The following ATXN7 variants were observed in gnomAD, a reference collection of about 807,000 sequenced individuals.
ATXN7 encodes ataxin 7.
ATXN7 carries 12 observed loss-of-function variants against 70.5 expected under a neutral mutation model. The ratio of observed to expected loss-of-function variants is 0.17; its 90% CI spans 0.11 to 0.28. The LOEUF (loss-of-function observed/expected upper bound fraction) is 0.28, where lower values mean the gene tolerates loss of function less well. Ranked by LOEUF, ATXN7 falls within the 10% of genes least tolerant of loss-of-function variation. The pLI is 1.00. For synonymous variants in ATXN7, 498 were observed against 448.7 expected, an observed-to-expected ratio of 1.11 and a Z score of -1.39; for missense variants, 1,256 against 1,131.7, an observed-to-expected ratio of 1.11 and a Z score of -1.58.
At chr3:63,886,366 T>A (rs1430326085) in intron 1 of ATXN7, among the ~76,000 whole-genome samples, 1 of 152,212 alleles carries the variant, frequency 6.6e-6, no homozygotes. Flanking sequence ...AATAATACTG[T>A]ATACTTGAAA....
chr3:63,868,397 C>G (rs1702498484), intron 1 of ATXN7, among the ~76,000 whole-genome samples: 1 of 152,144 alleles, frequency 6.6e-6, no homozygotes, highest in African/African-American at 2.4e-5. Context: ...GTATAAAAGT[C>G]TTAGCTCCTC....
intron 1 of ATXN7, among the ~76,000 whole-genome samples, chr3:63,884,574 A>T (rs1047901467): frequency 6.6e-6 from 1 of 152,136 alleles, no homozygotes. Flanking sequence ...TTTAATATAA[A>T]AGAACTCCAA....
chr3:63,874,949 C>T (rs1188315127), intron 1 of ATXN7, among the ~76,000 whole-genome samples: 1 of 152,064 alleles, frequency 6.6e-6, no homozygotes, highest in Non-Finnish European at 1.5e-5. Flanking sequence ...GGCTTGTTTC[C>T]TGTTTCATAG....
intron 2 of ATXN7, among the ~76,000 whole-genome samples, chr3:63,909,639 G>C (rs1703946916): frequency 6.6e-6 from 1 of 152,156 alleles, no homozygotes; most frequent in Non-Finnish European, 1.5e-5. Flanking sequence ...GTGTCAGCTT[G>C]CTGTTTTGAC....
intron 5 of ATXN7, among the ~76,000 whole-genome samples, chr3:63,967,387 C>CT (rs1184375661): frequency 6.6e-6 from 1 of 151,958 alleles, no homozygotes; most frequent in African/African-American, 2.4e-5. Flanking sequence ...GAATAATAAA[C>CT]TTTTTTTGAA....
At chr3:63,935,393 G>A (rs1262174515) in intron 4 of ATXN7, among the ~76,000 whole-genome samples, 1 of 151,932 alleles carries the variant, frequency 6.6e-6, no homozygotes, top group African/African-American at 2.4e-5. Context: ...TCTTGTTTTA[G>A]TATTTCTGAA....
At position 63,982,382 on chromosome 3, in the gene ATXN7, A is replaced by G; in HGVS notation, c.949A>G (p.Thr317Ala). 6.8e-6 allele frequency: 11 copies of G among 1,613,864 alleles called. No individual in the cohort carries two copies. Among genetic ancestry groups the G allele is most frequent in the Middle Eastern group, 1.6e-4 (1 of 6,062 alleles). ...LNGKGLPAPP[T>A]LEKKPEDNSN... The stretch of plus-strand genomic sequence containing the variant: ...TGGCAAAGGGCTTCCTGCACCGCCC[A>G]CTCTGGAAAAGAAACCTGAAGACAA... The change falls in exon 7 of 13, where the codon ACT becomes GCT. Residue 317 changes from threonine (T) to alanine (A), a missense_variant. Coordinates refer to ENST00000674280, the MANE Select transcript of ATXN7 (RefSeq NM_001377405.1).
At chr3:63,989,670 C>T (rs1197150676) in intron 9 of ATXN7, among the ~76,000 whole-genome samples, 1 of 151,814 alleles carries the variant, frequency 6.6e-6, no homozygotes, top group Non-Finnish European at 1.5e-5. Flanking sequence ...CGGGAGGATG[C>T]GCATAGGTTA....
chr3:63,994,011 G>A (rs372444486), intron 11 of ATXN7, among the ~76,000 whole-genome samples: 1 of 152,120 alleles, frequency 6.6e-6, no homozygotes, highest in South Asian at 2.1e-4. Context: ...TGAGTAGTGC[G>A]GGGAGAGAGA....
At chr3:63,985,898 G>C (rs2075571575) in intron 8 of ATXN7, among the ~76,000 whole-genome samples, 1 of 152,212 alleles carries the variant, frequency 6.6e-6, no homozygotes, top group Non-Finnish European at 1.5e-5. Flanking sequence ...CCCTATGCTT[G>C]TGGTGCTTAC....
chr3:63,968,781 A>G (rs73834154), intron 5 of ATXN7, among the ~76,000 whole-genome samples: 78 of 152,252 alleles, frequency 5.1e-4, no homozygotes, highest in African/African-American at 1.7e-3. Flanking sequence ...CCTGTCTCAG[A>G]CCTTCTGTCT....
chr3:63,909,966 T>G (rs1174995941), intron 2 of ATXN7, among the ~76,000 whole-genome samples: 2 of 152,224 alleles, frequency 1.3e-5, no homozygotes, highest in South Asian at 4.1e-4. Flanking sequence ...AGTATTGAGG[T>G]ACTCAATAAT....
chr3:63,965,460 C>T (rs1410761603), intron 5 of ATXN7, among the ~76,000 whole-genome samples: 4 of 152,332 alleles, frequency 2.6e-5, no homozygotes, highest in Middle Eastern at 3.4e-3. Flanking sequence ...CAGTTCAGAA[C>T]TCCCTTTGTG....
At chr3:63,959,630 A>G in intron 5 of ATXN7, among the ~76,000 whole-genome samples, 1 of 152,204 alleles carries the variant, frequency 6.6e-6, no homozygotes, top group Non-Finnish European at 1.5e-5. Context: ...AGATAACTTA[A>G]GTAGCATTAG....
At chr3:63,879,834 A>G (rs1702854579) in intron 1 of ATXN7, among the ~76,000 whole-genome samples, 2 of 152,142 alleles carry the variant, frequency 1.3e-5, no homozygotes, top group African/African-American at 4.8e-5. Flanking sequence ...CTGTAATCCT[A>G]GCACTTTGGG....
At chr3:63,986,615 T>C (rs1485066520) in intron 8 of ATXN7, among the ~76,000 whole-genome samples, 1 of 152,210 alleles carries the variant, frequency 6.6e-6, no homozygotes, top group African/African-American at 2.4e-5. Context: ...TAGATGCTGG[T>C]ACAACACAAA....
At position 63,996,358 on chromosome 3, in the gene ATXN7, A is replaced by G. The variant is rs758643385; in HGVS notation, c.2536A>G (p.Ile846Val). 1.9e-6 allele frequency: 3 copies of G among 1,614,224 alleles called. No individual in the cohort carries two copies. Among genetic ancestry groups the G allele is most frequent in the Non-Finnish European group, 2.5e-6 (3 of 1,180,038 alleles). ...AAAGTGCTCACCCAGCTCGAGCAGCATCAACAACAGCAGCAGCAAACCCAC... is the reference window on the plus strand; with the variant it reads ...AAAGTGCTCACCCAGCTCGAGCAGCGTCAACAACAGCAGCAGCAAACCCAC... The part of the protein sequence containing the change: ...KRKCSPSSSS[I>V]NNSSSKPTKV... Residue 846 changes from isoleucine to valine, a missense_variant, in exon 12 of 13, where the codon ATC becomes GTC. Ile to Val is a conservative substitution (Grantham distance 29). Transcript: ENST00000674280.
intron 4 of ATXN7, among the ~76,000 whole-genome samples, chr3:63,918,278 AG>A (rs1704365574): frequency 6.6e-6 from 1 of 152,080 alleles, no homozygotes; most frequent in Non-Finnish European, 1.5e-5. Context: ...TTTCTTTCCT[AG>A]GGGAAAAAAA....
intron 4 of ATXN7, among the ~76,000 whole-genome samples, chr3:63,939,897 C>G (rs2074726221): frequency 6.6e-6 from 1 of 151,988 alleles, no homozygotes; most frequent in South Asian, 2.1e-4. Flanking sequence ...CTGAAAAGCC[C>G]CATTCTCAGG....
Sources: allele counts gnomAD v4.1 joint callset (sites outside exome capture counted in the v4.1 genomes callset), GRCh38; gene constraint gnomAD v4.1.1; transcripts MANE v1.5; gene names NCBI Gene and HGNC (gene_info 2026-07-23, HGNC 2026-07-21).